Variants in GSE1 observed in about 807,000 individuals in gnomAD.
The protein encoded by GSE1 is Gse1 coiled-coil protein.
Under a neutral mutation model 112.6 loss-of-function variants are expected in GSE1, and 32 were observed. The ratio of observed to expected loss-of-function variants is 0.28; its 90% CI spans 0.21 to 0.38. The LOEUF (loss-of-function observed/expected upper bound fraction) is 0.38, where lower values mean the gene tolerates loss of function less well. Ranked by LOEUF, GSE1 falls within the 10% of genes least tolerant of loss-of-function variation. The pLI, the probability that GSE1 is intolerant of heterozygous loss-of-function variation, is 1.00. For missense variants in GSE1, 2,348 were observed against 1,699.2 expected (o/e 1.38, Z -6.71); for synonymous variants, 1,115 against 735.6 (o/e 1.52, Z -8.35).
At chr16:85,387,126 C>T (rs933151915) in intron 2 of GSE1, among the ~76,000 whole-genome samples, 2 of 152,192 alleles carry the variant, frequency 1.3e-5, no homozygotes, top group East Asian at 3.9e-4. Flanking sequence ...CTAGATGGCC[C>T]TTCCAGCCCA....
At chr16:85,586,086 C>T (rs1404865009) in intron 1 of GSE1, among the ~76,000 whole-genome samples, 2 of 152,182 alleles carry the variant, frequency 1.3e-5, no homozygotes, top group Non-Finnish European at 2.9e-5. Context: ...CCTACTTGGC[C>T]GTCCGTTCCC....
chr16:85,215,745 C>A (rs1344976946), intron 1 of GSE1, among the ~76,000 whole-genome samples: 1 of 152,108 alleles, frequency 6.6e-6, no homozygotes, highest in Non-Finnish European at 1.5e-5. Flanking sequence ...GCTTTCAGAG[C>A]ACACATTCTG....
intron 1 of GSE1, among the ~76,000 whole-genome samples, chr16:85,260,546 C>T (rs1037289261): frequency 6.6e-6 from 1 of 152,132 alleles, no homozygotes; most frequent in Non-Finnish European, 1.5e-5. Flanking sequence ...TAGTCTCGAA[C>T]TGCTGACCTC....
chr16:85,262,690 C>A (rs202051530), intron 1 of GSE1, among the ~76,000 whole-genome samples: 2 of 152,162 alleles, frequency 1.3e-5, no homozygotes, highest in African/African-American at 4.8e-5. Context: ...AGTGGGAGTC[C>A]GAGACTCCAT....
intron 2 of GSE1, among the ~76,000 whole-genome samples, chr16:85,491,000 A>G (rs1250916839): frequency 6.6e-6 from 1 of 152,094 alleles, no homozygotes; most frequent in Non-Finnish European, 1.5e-5. Flanking sequence ...GCTGGACTCC[A>G]CACCCCGATC....
chr16:85,650,355 G>C (rs956276953), intron 3 of GSE1, among the ~76,000 whole-genome samples: 1 of 152,130 alleles, frequency 6.6e-6, no homozygotes, highest in Non-Finnish European at 1.5e-5. Flanking sequence ...GCGCCCCACT[G>C]GTGGGGCCTG....
intron 1 of GSE1, among the ~76,000 whole-genome samples, chr16:85,564,998 G>C (rs2045678394): frequency 6.6e-6 from 1 of 152,150 alleles, no homozygotes; most frequent in Non-Finnish European, 1.5e-5. Flanking sequence ...AAGCCGGGGA[G>C]TGGGTCGGAG....
chr16:85,315,091 GTGCCCCACCC>G (rs1037492657), intron 1 of GSE1, among the ~76,000 whole-genome samples: 1 of 152,188 alleles, frequency 6.6e-6, no homozygotes, highest in African/African-American at 2.4e-5. Flanking sequence ...ATATTTGGGA[GTGCCCCACCC>G]TGCCCGCCCT....
chr16:85,488,182 A>T (rs1263637653), intron 2 of GSE1, among the ~76,000 whole-genome samples: 2 of 152,176 alleles, frequency 1.3e-5, no homozygotes, highest in African/African-American at 4.8e-5. Flanking sequence ...CCTTCCTCCC[A>T]GGGGACATGG....
At chr16:85,571,723 A>G (rs2045989683) in intron 1 of GSE1, among the ~76,000 whole-genome samples, 1 of 152,204 alleles carries the variant, frequency 6.6e-6, no homozygotes, top group African/African-American at 2.4e-5. Flanking sequence ...AGACTGCAGG[A>G]GGCCCCAGCA....
chr16:85,210,215 G>A (rs1207854516), intron 1 of GSE1, among the ~76,000 whole-genome samples: 1 of 152,180 alleles, frequency 6.6e-6, no homozygotes, highest in Non-Finnish European at 1.5e-5. Context: ...CCCACTTCTG[G>A]AAATTTGTCC....
At chr16:85,609,866 A>G (rs2047888730), upstream of GSE1, among the ~76,000 whole-genome samples, 2 of 152,140 alleles carry the variant, frequency 1.3e-5, no homozygotes, top group South Asian at 4.1e-4. Context: ...CATGTTGTCC[A>G]GGCCGGTCTC....
chr16:85,638,445 G>A (rs553591907), intron 2 of GSE1, among the ~76,000 whole-genome samples: 25 of 152,324 alleles, frequency 1.6e-4, no homozygotes, highest in South Asian at 1.0e-3. Flanking sequence ...AAGGGCAGAC[G>A]CTTGCGAATC....
At chr16:85,366,222 C>T (rs1214657685) in intron 2 of GSE1, among the ~76,000 whole-genome samples, 1 of 152,250 alleles carries the variant, frequency 6.6e-6, no homozygotes, top group Non-Finnish European at 1.5e-5. Context: ...CCAGGCGCTC[C>T]CAGAGCTCTG....
At chr16:85,401,000 A>T (rs2048101269) in intron 2 of GSE1, among the ~76,000 whole-genome samples, 1 of 152,126 alleles carries the variant, frequency 6.6e-6, no homozygotes, top group South Asian at 2.1e-4. Context: ...TGGTTTGAGC[A>T]TCTACATCAG....
intron 1 of GSE1, among the ~76,000 whole-genome samples, chr16:85,175,965 T>C (rs1179785348): frequency 1.3e-5 from 2 of 152,168 alleles, no homozygotes; most frequent in Non-Finnish European, 2.9e-5. Context: ...CTCCAGCCTC[T>C]ACTTGGTCTT....
upstream of GSE1, among the ~76,000 whole-genome samples, chr16:85,611,985 ACC>A (rs1304781523): frequency 6.6e-6 from 1 of 151,586 alleles, no homozygotes; most frequent in East Asian, 2.0e-4. Context: ...GAAAGTCGAA[ACC>A]CGCACCGCAG....
At chr16:85,479,039 C>G (rs1320311314) in intron 2 of GSE1, among the ~76,000 whole-genome samples, 4 of 97,222 alleles carry the variant, frequency 4.1e-5, no homozygotes, top group Non-Finnish European at 8.4e-5. Flanking sequence ...TTCCTTCCTT[C>G]CAGATGGAGT....
chr16:85,581,949 A>G (rs374870482), intron 1 of GSE1: 2 of 152,268 alleles, frequency 1.3e-5, no homozygotes, highest in South Asian at 4.1e-4. Flanking sequence ...CTGGGAGTCT[A>G]CATTTTTCAA....
Sources: gnomAD v4.1 joint callset for allele counts (sites outside exome capture counted in the v4.1 genomes callset) on GRCh38, gnomAD v4.1.1 for gene constraint, MANE v1.5 for transcripts, NCBI Gene and HGNC (gene_info 2026-07-23, HGNC 2026-07-21) for gene names.